ZNF320: variants seen among roughly 807,000 people sequenced by gnomAD.
ZNF320 encodes zinc finger gene 320.
A neutral mutation model predicts 6.8 loss-of-function variants in ZNF320; 2 were observed. The ratio of observed to expected loss-of-function variants is 0.29; its 90% confidence interval spans 0.12 to 0.93. The LOEUF is 0.93. ZNF320 is among the 40% of genes least tolerant of loss of function. ZNF320 has a pLI of 0.55. For synonymous variants in ZNF320, 208 were observed against 203.2 expected, an observed-to-expected ratio of 1.02 and a Z score of -0.20; for missense variants, 472 against 611.0, an observed-to-expected ratio of 0.77 and a Z score of 2.40.
chr19:52,865,434 T>TTATATATATATATATATATATATATA (rs1555814106), intron 5 of ZNF320: 9 of 152,760 alleles, frequency 5.9e-5, no homozygotes, highest in African/African-American at 2.9e-4. Context: ...GGTCCAGGCT[T>TTATATATATATATATATATATATATA]TATATATATA....
chr19:52,868,680 T>G (rs2063624345), intron 5 of ZNF320, among the ~76,000 whole-genome samples: 1 of 151,828 alleles, frequency 6.6e-6, no homozygotes, highest in South Asian at 2.1e-4. Context: ...AGCAAAATAG[T>G]CCACCAAGAA....
At chr19:52,902,638 T>C (rs2064574929), upstream of ZNF320, among the ~76,000 whole-genome samples, 1 of 152,224 alleles carries the variant, frequency 6.6e-6, no homozygotes, top group South Asian at 2.1e-4. Flanking sequence ...CCATTTTATA[T>C]TTAATAATGC....
Position 52,880,396 on chromosome 19 carries a change from C to T in ZNF320, c.*200G>A. Reference sequence around the variant, plus strand: ...AACATACAGGCTGGGAAAAGTGGCTCCCGTCTGTTGGCCAGGCTGGTCTCA... The same window carrying T: ...AACATACAGGCTGGGAAAAGTGGCTTCCGTCTGTTGGCCAGGCTGGTCTCA... On this transcript the variant is annotated 3_prime_UTR_variant, in exon 6 of 6. Coordinates refer to ENST00000682928, the MANE Select transcript of ZNF320 (RefSeq NM_001351774.2). 1 of 496,596 alleles carries T rather than the reference C, an allele frequency of 2.0e-6. No homozygotes were observed. Among genetic ancestry groups the T allele is most frequent in the South Asian group, 3.8e-5 (1 of 26,176 alleles). The allele number at this position is 496,596 out of a possible 1,614,324, so 30.8% of individuals were successfully genotyped here.
At chr19:52,894,367 G>C (rs1332674782) in intron 1 of ZNF320, 5 of 139,266 alleles carry the variant, frequency 3.6e-5, no homozygotes, top group Non-Finnish European at 6.0e-5. Flanking sequence ...CTGGGTGACA[G>C]AGCAAGACTG....
At chr19:52,882,940 C>CA (rs551578014) in intron 5 of ZNF320, among the ~76,000 whole-genome samples, 191 of 136,826 alleles carry the variant, frequency 1.4e-3, no homozygotes, top group Non-Finnish European at 1.9e-3. Context: ...GACTCCGTCT[C>CA]AAAAAAAAAA....
chr19:52,890,846 C>T (rs1004931148), intron 3 of ZNF320, among the ~76,000 whole-genome samples: 2 of 150,616 alleles, frequency 1.3e-5, no homozygotes, highest in African/African-American at 4.9e-5. Context: ...GAAACCCTGT[C>T]CCTACTAAAA....
chr19:52,881,234 C>G lies in ZNF320; in HGVS notation c.892G>C (p.Glu298Gln), dbSNP rs2063908418. ...LVIHKAVHTA[E>Q]KPYKCNECGK... The stretch of plus-strand genomic sequence containing the variant: ...CATTCATTACACTTATAGGGTTTCT[C>G]TGCAGTATGAACTGCCTTATGAATT... Residue 298 changes from glutamate (E) to glutamine (Q), a missense_variant, in exon 6 of 6, where the codon GAG (glutamate) becomes CAG (glutamine). Physicochemically the swap from Glu to Gln is conservative, Grantham distance 29 (BLOSUM62 2). Around this residue, in one of 2 missense-constraint regions of ZNF320, gnomAD observed 462 missense variants for 559.7 expected, o/e 0.83. Coordinates refer to ENST00000682928, the MANE Select transcript of ZNF320 (RefSeq NM_001351774.2). 1 of 1,614,098 alleles carries G rather than the reference C, an allele frequency of 6.2e-7. No homozygotes were observed. The highest frequency in any genetic ancestry group is 2.2e-5 in the East Asian group (1 of 44,884).
chr19:52,892,698 C>A lies in ZNF320; in HGVS notation c.-192+1081G>T, dbSNP rs972588729. On this transcript the variant is annotated intron_variant, in intron 2 of 5. Transcript: ENST00000682928. ...CAATCTCTATAGATTTCCACCTCTT[C>A]TCCCATCTCTGTGCATCCTCTGCTC... is the stretch of plus-strand genomic sequence containing the variant. 5.3e-5 allele frequency among the ~76,000 whole-genome samples: 8 copies of A among 152,136 alleles called. No individual in the cohort carries two copies. In the East Asian group the frequency reaches 5.8e-4, roughly 11 times the overall value.
In ZNF320 at chr19:52,881,343, C is replaced by T. The variant is rs780160793; in HGVS notation, c.783G>A (p.Val261=). The T allele has an allele frequency of 7.4e-6, 12 of 1,613,432 alleles. No individual in the cohort carries two copies. The African/African-American group carries it at 1.2e-4, about 16-fold the overall frequency. The change falls in exon 6 of 6, where the codon GTG becomes GTA. Residue 261 remains valine, a synonymous_variant. Coordinates refer to ENST00000682928, the MANE Select transcript of ZNF320 (RefSeq NM_001351774.2). ...GKTFSQTSHL[V]YHHRLHTGEK... is the part of the protein sequence containing the mutation. ...CTCCAGTATGCAGTCTATGATGGTA[C>T]ACAAGGTGTGATGTCTGACTAAAGG...
In ZNF320 at chr19:52,880,481, G is replaced by T; in HGVS notation, c.*115C>A. 1.9e-6 allele frequency: 2 copies of T among 1,076,694 alleles called. No individual in the cohort carries two copies. Among genetic ancestry groups the T allele is most frequent in the Non-Finnish European group, 2.6e-6 (2 of 754,990 alleles). The allele number at this position is 1,076,694 out of a possible 1,614,324, so 66.7% of individuals were successfully genotyped here. A position where few individuals can be genotyped will look rare whatever the true frequency, so the allele number is the denominator to read the frequency against. On this transcript the variant is annotated 3_prime_UTR_variant, in exon 6 of 6. Coordinates refer to ENST00000682928, the MANE Select transcript of ZNF320 (RefSeq NM_001351774.2). ...CTCTCAAAGTGCTGGGATTACAGGTGTGAGACACCACGCCTGGCCCAATCC... is the reference window on the plus strand; with the variant it reads ...CTCTCAAAGTGCTGGGATTACAGGTTTGAGACACCACGCCTGGCCCAATCC...
At chr19:52,899,036 G>A (rs371591855), upstream of ZNF320, among the ~76,000 whole-genome samples, 2 of 152,198 alleles carry the variant, frequency 1.3e-5, no homozygotes, top group African/African-American at 4.8e-5. Context: ...ATTAGTGGGA[G>A]TTCTTACTCT....
intron 3 of ZNF320, among the ~76,000 whole-genome samples, chr19:52,890,546 C>A (rs2064254352): frequency 6.6e-6 from 1 of 152,154 alleles, no homozygotes; most frequent in South Asian, 2.1e-4. Flanking sequence ...GGGATGAGCT[C>A]CCCTTCAGGG....
chr19:52,871,084 T>C (rs957866329), intron 5 of ZNF320, among the ~76,000 whole-genome samples: 1 of 152,168 alleles, frequency 6.6e-6, no homozygotes, highest in Non-Finnish European at 1.5e-5. Flanking sequence ...GAAGCAGATG[T>C]TGCAGTCAGC....
the ZNF320 span, among the ~76,000 whole-genome samples, chr19:52,903,438 G>T: frequency 6.6e-6 from 1 of 151,966 alleles, no homozygotes; most frequent in African/African-American, 2.4e-5. Context: ...GGGGGAGGAG[G>T]TCTAAAACCA....
At position 52,879,649 on chromosome 19, in the gene ZNF320, A is replaced by C. The variant is rs965527575; in HGVS notation, c.*947T>G. On this transcript the variant is annotated 3_prime_UTR_variant, in exon 6 of 6. Coordinates refer to ENST00000682928, the MANE Select transcript of ZNF320 (RefSeq NM_001351774.2). The stretch of plus-strand genomic sequence containing the variant: ...CATCCAAATCAGAAAGAAAGAAGTA[A>C]AACTATTTCTTTGTAGATGACATGA... 6.6e-6 allele frequency: 1 copy of C among 152,254 alleles called. No homozygotes were observed. The highest frequency in any genetic ancestry group is 1.5e-5 in the Non-Finnish European group (1 of 68,054). The allele number at this position is 152,254 out of a possible 1,614,324, so 9.4% of individuals were successfully genotyped here. A position where few individuals can be genotyped will look rare whatever the true frequency, so the allele number is the denominator to read the frequency against.
downstream of ZNF320, among the ~76,000 whole-genome samples, chr19:52,860,597 C>A (rs79707088): frequency 1.9e-3 from 225 of 118,676 alleles, no homozygotes; most frequent in Middle Eastern, 4.5e-3. Context: ...GAAACGGCAT[C>A]AAAAAAAAAA....
chr19:52,871,134 G>A (rs1427123921), intron 5 of ZNF320, among the ~76,000 whole-genome samples: 3 of 152,114 alleles, frequency 2.0e-5, no homozygotes, highest in African/African-American at 7.2e-5. Context: ...GCAATAGAGC[G>A]AGACTCCATC....
chr19:52,864,984 G>A (rs913497041), intron 5 of ZNF320, among the ~76,000 whole-genome samples: 6 of 152,034 alleles, frequency 3.9e-5, no homozygotes, highest in Admixed American at 2.0e-4. Flanking sequence ...CTACACGCCA[G>A]CCTGGGTGAT....
At chr19:52,867,158 T>C (rs1299425760) in intron 5 of ZNF320, among the ~76,000 whole-genome samples, 1 of 151,926 alleles carries the variant, frequency 6.6e-6, no homozygotes, top group African/African-American at 2.4e-5. Flanking sequence ...CCAAAAGCCA[T>C]GTTTGGATTT....
Sources: gnomAD v4.1 joint callset for allele counts (sites outside exome capture counted in the v4.1 genomes callset) on GRCh38, gnomAD v4.1.1 for gene constraint, gnomAD v4.1.1 regional missense constraint, MANE v1.5 for transcripts, NCBI Gene and HGNC (gene_info 2026-07-23, HGNC 2026-07-21) for gene names.